Variants in LMX1A observed in about 807,000 individuals in gnomAD.
LMX1A encodes the protein LIM homeobox transcription factor 1 alpha, also known as LIM homeobox transcription factor 1-alpha.
In LMX1A, 15 loss-of-function variants were observed where a neutral mutation model predicts 49.1. The ratio of observed to expected loss-of-function variants is 0.31; its 90% CI spans 0.20 to 0.47. LMX1A has a LOEUF of 0.47. Ranked by LOEUF, LMX1A falls within the 20% of genes least tolerant of loss-of-function variation. LMX1A has a pLI of 1.00. For synonymous variants in LMX1A, 167 were observed against 185.7 expected, an observed-to-expected ratio of 0.90 and a Z score of 0.82; for missense variants, 372 against 475.8, an observed-to-expected ratio of 0.78 and a Z score of 2.03.
intron 3 of LMX1A, among the ~76,000 whole-genome samples, chr1:165,269,918 T>A (rs547343606): frequency 1.3e-5 from 2 of 152,010 alleles, no homozygotes; most frequent in East Asian, 3.9e-4. Flanking sequence ...GGGAGAGCAT[T>A]AGGGAAAAGA....
intron 4 of LMX1A, among the ~76,000 whole-genome samples, chr1:165,217,496 A>G (rs775399538): frequency 2.6e-5 from 4 of 152,222 alleles, no homozygotes; most frequent in Non-Finnish European, 5.9e-5. Flanking sequence ...CCTGAAAGAA[A>G]AGAGAAAAAC....
At chr1:165,248,557 T>A (rs1422078501) in intron 4 of LMX1A, among the ~76,000 whole-genome samples, 2 of 152,098 alleles carry the variant, frequency 1.3e-5, no homozygotes, top group African/African-American at 2.4e-5. Flanking sequence ...CCCTATAAAA[T>A]CTCTTAACCT....
At chr1:165,286,778 G>A (rs1654314991) in intron 3 of LMX1A, among the ~76,000 whole-genome samples, 1 of 45,626 alleles carries the variant, frequency 2.2e-5, no homozygotes, top group Non-Finnish European at 4.1e-5. Context: ...CAGCCTACTT[G>A]GCTCTGAAAA....
At chr1:165,312,064 G>C (rs1655093602) in intron 3 of LMX1A, among the ~76,000 whole-genome samples, 1 of 152,180 alleles carries the variant, frequency 6.6e-6, no homozygotes, top group South Asian at 2.1e-4. Flanking sequence ...AATGATAATT[G>C]CTTCTGCTTT....
chr1:165,244,077 T>C (rs1210368910), intron 4 of LMX1A, among the ~76,000 whole-genome samples: 1 of 152,136 alleles, frequency 6.6e-6, no homozygotes, highest in African/African-American at 2.4e-5. Flanking sequence ...ATGTAATCAA[T>C]CATTGCCTAT....
intron 3 of LMX1A, among the ~76,000 whole-genome samples, chr1:165,321,936 A>G (rs970525512): frequency 6.6e-6 from 1 of 152,120 alleles, no homozygotes; most frequent in Non-Finnish European, 1.5e-5. Context: ...AATCATATAT[A>G]AGAGTCTAAT....
chr1:165,290,338 G>T (rs1654427356), intron 3 of LMX1A, among the ~76,000 whole-genome samples: 1 of 152,198 alleles, frequency 6.6e-6, no homozygotes, highest in South Asian at 2.1e-4. Context: ...CTTAAGGGAA[G>T]ATTCCATTCC....
rs911620745 is a variant in LMX1A, at chr1:165,355,498, A to C, written c.62T>G (p.Phe21Cys). The C allele has an allele frequency of 2.4e-5, 39 of 1,613,788 alleles. No homozygotes were observed. Among genetic ancestry groups the C allele is most frequent in the Non-Finnish European group, 3.1e-5 (36 of 1,179,958 alleles). ...TGAACACTCACCCAGCAGCGAGGAG[A>C]AGGAGGCCGAGGTGTCGATCGCGCT... is the stretch of plus-strand genomic sequence containing the variant. The part of the protein sequence containing the change: ...FQSAIDTSAS[F>C]SSLLGRAVSP... The change falls in exon 2 of 9, where the codon TTC (phenylalanine) becomes TGC (cysteine). Residue 21 changes from phenylalanine to cysteine, a missense_variant. Physicochemically the swap from Phe to Cys is radical, Grantham distance 205 (BLOSUM62 -2). Coordinates refer to ENST00000342310, the MANE Select transcript of LMX1A (RefSeq NM_177398.4). The surrounding 1 kb of genome is among the most constrained non-coding windows in gnomAD (Gnocchi z 4.7).
chr1:165,246,430 C>T (rs866063629), intron 4 of LMX1A, among the ~76,000 whole-genome samples: 5 of 152,084 alleles, frequency 3.3e-5, no homozygotes, highest in South Asian at 2.1e-4. Flanking sequence ...GAGTTGAAAG[C>T]GATAACAGAG....
chr1:165,316,133 T>A (rs1857947), intron 3 of LMX1A, among the ~76,000 whole-genome samples: 1 of 152,126 alleles, frequency 6.6e-6, no homozygotes, highest in Non-Finnish European at 1.5e-5. Context: ...TTGACAGGAG[T>A]AAGGTTTTTC....
rs368477826 is a variant in LMX1A, at chr1:165,319,200, A to G, written c.263+33876T>C. On this transcript the variant is annotated intron_variant, in intron 3 of 8. Transcript: ENST00000342310. ...ATGCTCCATATTACCTCTACTATTT[A>G]AATACTTAAGAAGTTCTGTCTTAAA... 4.3e-4 allele frequency among the ~76,000 whole-genome samples: 66 copies of G among 152,328 alleles called. No individual in the cohort carries two copies. The Middle Eastern group carries it at 0.01, about 24-fold the overall frequency.
intron 3 of LMX1A, among the ~76,000 whole-genome samples, chr1:165,326,257 T>C (rs971142893): frequency 6.6e-6 from 1 of 152,210 alleles, no homozygotes; most frequent in African/African-American, 2.4e-5. Flanking sequence ...ATGCCTGAGC[T>C]GTCACTGAGT....
intron 3 of LMX1A, among the ~76,000 whole-genome samples, chr1:165,350,632 A>G (rs1656399043): frequency 6.6e-6 from 1 of 152,204 alleles, no homozygotes; most frequent in Non-Finnish European, 1.5e-5. Flanking sequence ...ATTATCAAAT[A>G]TATTAAAACC....
At chr1:165,271,233 G>A (rs1176075679) in intron 3 of LMX1A, among the ~76,000 whole-genome samples, 1 of 152,110 alleles carries the variant, frequency 6.6e-6, no homozygotes, top group East Asian at 1.9e-4. Context: ...AGAACCCCCT[G>A]GTCCCAGCTC....
chr1:165,239,504 T>C (rs999800425), intron 4 of LMX1A, among the ~76,000 whole-genome samples: 27 of 152,110 alleles, frequency 1.8e-4, no homozygotes, highest in African/African-American at 6.3e-4. Flanking sequence ...ACAAAACAAA[T>C]ACACTAGAAG....
chr1:165,276,130 C>T (rs1278616890), intron 3 of LMX1A, among the ~76,000 whole-genome samples: 1 of 152,032 alleles, frequency 6.6e-6, no homozygotes, highest in Non-Finnish European at 1.5e-5. Context: ...GTGCATCATC[C>T]CTGGCTACAA....
At chr1:165,344,534 A>G (rs1331701918) in intron 3 of LMX1A, among the ~76,000 whole-genome samples, 1 of 152,250 alleles carries the variant, frequency 6.6e-6, no homozygotes, top group Non-Finnish European at 1.5e-5. Flanking sequence ...GATGTTATTA[A>G]GCAAGCTCTT....
intron 3 of LMX1A, among the ~76,000 whole-genome samples, chr1:165,252,196 G>A (rs894853732): frequency 6.6e-6 from 1 of 152,130 alleles, no homozygotes; most frequent in Non-Finnish European, 1.5e-5. Context: ...CACATGGTGG[G>A]TACTCACTAA....
At chr1:165,268,695 C>T (rs893141010) in intron 3 of LMX1A, among the ~76,000 whole-genome samples, 15 of 152,214 alleles carry the variant, frequency 9.9e-5, no homozygotes, top group Admixed American at 2.0e-4. Context: ...GGTAATTAAC[C>T]TCTCTGAGCC....
Sources: gnomAD v4.1 joint callset for allele counts (sites outside exome capture counted in the v4.1 genomes callset) on GRCh38, gnomAD v4.1.1 for gene constraint, Gnocchi (gnomAD v3.1) non-coding constraint, MANE v1.5 for transcripts, NCBI Gene and HGNC (gene_info 2026-07-23, HGNC 2026-07-21) for gene names.